Variants in CSMD1 observed in about 807,000 individuals in gnomAD.
The protein encoded by CSMD1 is CUB and Sushi multiple domains 1, also known as CUB and sushi domain-containing protein 1.
A neutral mutation model predicts 417.5 loss-of-function variants in CSMD1; 213 were observed. That is an observed-to-expected ratio of 0.51 (90% CI 0.46 to 0.57). The LOEUF is 0.57. CSMD1 is among the 20% of genes least tolerant of loss of function. The probability of loss-of-function intolerance (pLI) is 0.00; values close to 1 mark genes in which losing one functional copy is unlikely to be tolerated. For synonymous variants in CSMD1, 2,862 were observed against 1,736.8 expected (o/e 1.65, Z -16.11); for missense variants, 6,923 against 4,529.7 (o/e 1.53, Z -15.17).
intron 3 of CSMD1, among the ~76,000 whole-genome samples, chr8:4,293,903 G>A (rs900237562): frequency 6.6e-6 from 1 of 151,864 alleles, no homozygotes; most frequent in African/African-American, 2.4e-5. Flanking sequence ...ATAGAGGGAT[G>A]TCCTATTAGT....
chr8:4,053,505 G>A (rs778070487), intron 3 of CSMD1, among the ~76,000 whole-genome samples: 5 of 152,000 alleles, frequency 3.3e-5, no homozygotes, highest in South Asian at 2.1e-4. Flanking sequence ...AAACACCATC[G>A]CAATCAAAAT....
chr8:4,714,928 G>A (rs1433686992), intron 1 of CSMD1, among the ~76,000 whole-genome samples: 1 of 152,114 alleles, frequency 6.6e-6, no homozygotes, highest in Non-Finnish European at 1.5e-5. Context: ...AGACTTTTTG[G>A]AAGGTGTCTA....
chr8:2,992,992 C>G (rs1386536307), intron 54 of CSMD1, among the ~76,000 whole-genome samples: 1 of 152,182 alleles, frequency 6.6e-6, no homozygotes, highest in African/African-American at 2.4e-5. Context: ...CTCAGCCTCC[C>G]AAAGTGCTGG....
chr8:4,076,525 G>A (rs564537397), intron 3 of CSMD1, among the ~76,000 whole-genome samples: 10 of 152,200 alleles, frequency 6.6e-5, no homozygotes, highest in African/African-American at 2.4e-4. Context: ...AACAAATAGA[G>A]CCAAAAACGA....
intron 51 of CSMD1, among the ~76,000 whole-genome samples, chr8:3,021,730 C>T (rs910313360): frequency 5.1e-5 from 6 of 118,450 alleles, no homozygotes; most frequent in African/African-American, 1.7e-4. Context: ...TGCAATCCCG[C>T]AGCATCTGGA....
intron 25 of CSMD1, among the ~76,000 whole-genome samples, chr8:3,290,845 G>A (rs145963822): frequency 0.061 from 8,965 of 146,400 alleles, 915 homozygotes; most frequent in African/African-American, 0.21. Context: ...TGCCCTGGCC[G>A]GAACTTCCAA....
At chr8:4,222,847 A>G (rs1275944397) in intron 3 of CSMD1, among the ~76,000 whole-genome samples, 1 of 152,210 alleles carries the variant, frequency 6.6e-6, no homozygotes, top group Non-Finnish European at 1.5e-5. Flanking sequence ...AAATACCATG[A>G]GGACAATTAA....
intron 2 of CSMD1, among the ~76,000 whole-genome samples, chr8:4,459,194 C>G (rs1036254443): frequency 6.6e-6 from 1 of 152,184 alleles, no homozygotes; most frequent in African/African-American, 2.4e-5. Context: ...GGCCAACAGG[C>G]CATGTCGCTT....
At chr8:3,999,957 G>T (rs888402450) in intron 4 of CSMD1, among the ~76,000 whole-genome samples, 1 of 152,198 alleles carries the variant, frequency 6.6e-6, no homozygotes, top group Non-Finnish European at 1.5e-5. Flanking sequence ...ATTATTAAGT[G>T]CACAGATTAT....
intron 23 of CSMD1, among the ~76,000 whole-genome samples, chr8:3,316,551 G>T (rs536203384): frequency 6.6e-6 from 1 of 152,136 alleles, no homozygotes; most frequent in African/African-American, 2.4e-5. Context: ...GGTTTGAGCA[G>T]GTCTAGGGGC....
chr8:4,903,980 T>G (rs904256628), intron 1 of CSMD1, among the ~76,000 whole-genome samples: 1 of 152,210 alleles, frequency 6.6e-6, no homozygotes, highest in African/African-American at 2.4e-5. Context: ...TCATAAAGTG[T>G]AAAATCATAT....
chr8:3,670,196 G>C (rs1213699074), intron 7 of CSMD1, among the ~76,000 whole-genome samples: 13 of 151,878 alleles, frequency 8.6e-5, no homozygotes, highest in Admixed American at 7.2e-4. Context: ...ACTTAATCTG[G>C]GTGGGTACCC....
intron 2 of CSMD1, among the ~76,000 whole-genome samples, chr8:4,605,840 T>C (rs1205998973): frequency 6.6e-6 from 1 of 152,134 alleles, no homozygotes; most frequent in Non-Finnish European, 1.5e-5. Flanking sequence ...AGGGTTCGTG[T>C]TCTAATTGCC....
intron 26 of CSMD1, among the ~76,000 whole-genome samples, chr8:3,258,123 T>C (rs1249959709): frequency 6.6e-6 from 1 of 151,976 alleles, no homozygotes; most frequent in Admixed American, 6.6e-5. Flanking sequence ...ATGTGGGATA[T>C]GAAAGACAGA....
intron 5 of CSMD1, among the ~76,000 whole-genome samples, chr8:3,780,538 G>C (rs1393413277): frequency 6.6e-6 from 1 of 152,168 alleles, no homozygotes; most frequent in Non-Finnish European, 1.5e-5. Context: ...AATTGGATGG[G>C]TAATGAGCTT....
rs1313166315 is a variant in CSMD1 at position 4,328,927 on chromosome 8, GCT to G, written c.415+91024_415+91025del. Among the ~76,000 whole-genome samples the G allele has an allele frequency of 3.9e-5, 6 of 152,250 alleles. No individual in the cohort carries two copies. The East Asian group carries it at 1.2e-3, about 29-fold the overall frequency. On this transcript the variant is annotated intron_variant, in intron 3 of 69. Coordinates refer to ENST00000635120, the MANE Select transcript of CSMD1 (RefSeq NM_033225.6). ...TATTGGTAGTGTGTTGTTTGCATTC[GCT>G]GTTTTTGCAATGCATTTGCAAGTTT...
intron 7 of CSMD1, among the ~76,000 whole-genome samples, chr8:3,669,809 A>G (rs1261340859): frequency 1.3e-5 from 2 of 152,286 alleles, no homozygotes; most frequent in East Asian, 3.9e-4. Flanking sequence ...CAGCCCTAAC[A>G]GCCAATTCAG....
intron 2 of CSMD1, among the ~76,000 whole-genome samples, chr8:4,615,113 G>A (rs1801400994): frequency 6.6e-6 from 1 of 152,126 alleles, no homozygotes; most frequent in African/African-American, 2.4e-5. Context: ...GTAACTGCAT[G>A]ACACAAAATA....
intron 7 of CSMD1, among the ~76,000 whole-genome samples, chr8:3,662,256 G>A (rs538230501): frequency 6.6e-6 from 1 of 152,280 alleles, no homozygotes; most frequent in Non-Finnish European, 1.5e-5. Context: ...AATCCCAGAT[G>A]GGAGCATTTT....
Sources: gnomAD v4.1 joint callset for allele counts (sites outside exome capture counted in the v4.1 genomes callset) on GRCh38, gnomAD v4.1.1 for gene constraint, MANE v1.5 for transcripts, NCBI Gene and HGNC (gene_info 2026-07-23, HGNC 2026-07-21) for gene names.